Variants in SIL1 observed in about 807,000 individuals in gnomAD.
The protein encoded by SIL1 is nucleotide exchange factor SIL1.
Under a neutral mutation model 49.1 loss-of-function variants are expected in SIL1, and 40 were observed. The ratio of observed to expected loss-of-function variants is 0.81; its 90% CI spans 0.63 to 1.06. The LOEUF (loss-of-function observed/expected upper bound fraction) is 1.06. Among genes scored for constraint, SIL1 ranks in the 50% least tolerant of loss-of-function variants. The pLI, the probability that SIL1 is intolerant of heterozygous loss-of-function variation, is 0.00. For synonymous variants in SIL1, 253 were observed against 250.8 expected (o/e 1.01, Z -0.08); for missense variants, 500 against 572.6 (o/e 0.87, Z 1.29).
At chr5:139,194,368 G>A (rs1382128451) in intron 1 of SIL1, among the ~76,000 whole-genome samples, 3 of 152,158 alleles carry the variant, frequency 2.0e-5, no homozygotes, top group Non-Finnish European at 4.4e-5. Flanking sequence ...GTTACCCAAG[G>A]CCTCACTCTG....
At chr5:139,157,064 A>T (rs1304292275) in intron 1 of SIL1, among the ~76,000 whole-genome samples, 2 of 152,180 alleles carry the variant, frequency 1.3e-5, no homozygotes, top group African/African-American at 4.8e-5. Context: ...AGCAATCAGC[A>T]CTGACAGCTC....
intron 3 of SIL1, among the ~76,000 whole-genome samples, chr5:139,080,777 TAA>T (rs1443795618): frequency 6.6e-6 from 1 of 152,236 alleles, no homozygotes; most frequent in Non-Finnish European, 1.5e-5. Flanking sequence ...GCTTTTTAAT[TAA>T]GTGACAATTA....
At chr5:139,137,206 G>C (rs1050649675) in intron 1 of SIL1, 1 of 626,404 alleles carries the variant, frequency 1.6e-6, no homozygotes, top group Non-Finnish European at 2.9e-6. Context: ...CATTTATAGA[G>C]AACTTTCCAT....
chr5:139,122,659 G>C (rs1750666644), intron 2 of SIL1, among the ~76,000 whole-genome samples: 1 of 151,874 alleles, frequency 6.6e-6, no homozygotes, highest in Admixed American at 6.6e-5. Context: ...CTCAATGTCT[G>C]ATCTTTAGTT....
rs188201427 is a variant in SIL1, at chr5:139,161,988, G to A, written c.-10-34135C>T. Among the ~76,000 whole-genome samples the A allele has an allele frequency of 2.1e-3, 313 of 151,944 alleles. 3 individuals are homozygous for A. The highest frequency in any genetic ancestry group is 5.3e-3 in the Admixed American group (81 of 15,252). On this transcript the variant is annotated intron_variant, in intron 1 of 9. Transcript: ENST00000394817. The stretch of plus-strand genomic sequence containing the variant: ...AGATCATGCCACTGCACTCCAGCCT[G>A]GGCAACAGAGAGAGACTCTGTCTCA...
chr5:139,055,762 A>G (rs1037075841), intron 3 of SIL1, among the ~76,000 whole-genome samples: 7 of 143,252 alleles, frequency 4.9e-5, no homozygotes, highest in Non-Finnish European at 7.6e-5. Flanking sequence ...GCTCACTGCA[A>G]CCTCCCTGCC....
chr5:139,118,777 G>A (rs1750540942), intron 3 of SIL1, among the ~76,000 whole-genome samples: 1 of 152,154 alleles, frequency 6.6e-6, no homozygotes, highest in Middle Eastern at 3.2e-3. Flanking sequence ...CCCTTGAGAG[G>A]TCAGTTTCCT....
chr5:139,163,145 T>C (rs186924754), intron 1 of SIL1, among the ~76,000 whole-genome samples: 153 of 151,968 alleles, frequency 1.0e-3, no homozygotes, highest in South Asian at 5.8e-3. Context: ...GGGATCGGAA[T>C]ATGAAAGGCC....
intron 6 of SIL1, 137 bp downstream of exon 6, chr5:139,026,664 A>G: frequency 2.4e-6 from 2 of 846,524 alleles, no homozygotes; most frequent in Non-Finnish European, 3.9e-6. Context: ...TACAAAAGAT[A>G]ACAAGACTAG....
chr5:139,155,443 C>CAGAGGGAGAGAGAGAGAGAGAGAGAG (rs1554136147), intron 1 of SIL1: 1 of 68,088 alleles, frequency 1.5e-5, no homozygotes, highest in Non-Finnish European at 4.4e-5. Flanking sequence ...CACACGTACA[C>CAGAGGGAGAGAGAGAGAGAGAGAGAG]AGAGTGAGAG....
intron 1 of SIL1, among the ~76,000 whole-genome samples, chr5:139,140,131 G>A (rs756532268): frequency 6.6e-6 from 1 of 152,128 alleles, no homozygotes; most frequent in Non-Finnish European, 1.5e-5. Flanking sequence ...TTAGCCAGGT[G>A]TGGTGATGGG....
intron 7 of SIL1, chr5:139,013,895 G>C (rs1768339859): frequency 6.6e-6 from 1 of 151,906 alleles, no homozygotes; most frequent in African/African-American, 2.4e-5. Flanking sequence ...CCTTGCTCTT[G>C]GTGGCTTTCT....
chr5:139,111,784 T>C (rs562499604), intron 3 of SIL1, among the ~76,000 whole-genome samples: 1 of 152,312 alleles, frequency 6.6e-6, no homozygotes, highest in East Asian at 1.9e-4. Context: ...AGCTCCTGGT[T>C]GGATTCTATG....
At chr5:139,027,637 C>G (rs1306372188) in intron 5 of SIL1, among the ~76,000 whole-genome samples, 3 of 152,172 alleles carry the variant, frequency 2.0e-5, no homozygotes, top group Non-Finnish European at 4.4e-5. Context: ...CCACTCCACT[C>G]ACATATAAAA....
intron 1 of SIL1, chr5:139,128,083 C>T: frequency 1.8e-6 from 1 of 548,648 alleles, no homozygotes. Flanking sequence ...GATCAGGACT[C>T]CTGCATAAGC....
chr5:139,094,176 G>C (rs1770404823), intron 3 of SIL1, among the ~76,000 whole-genome samples: 1 of 152,134 alleles, frequency 6.6e-6, no homozygotes, highest in African/African-American at 2.4e-5. Flanking sequence ...AGAAACAATA[G>C]GAATCATGTC....
intron 1 of SIL1, among the ~76,000 whole-genome samples, chr5:139,171,789 T>C (rs558654252): frequency 6.7e-6 from 1 of 148,742 alleles, no homozygotes; most frequent in East Asian, 2.0e-4. Flanking sequence ...TAATGGCAGA[T>C]CTACTAGACA....
intron 7 of SIL1, among the ~76,000 whole-genome samples, chr5:139,002,425 A>G (rs1017981095): frequency 1.3e-5 from 2 of 152,178 alleles, no homozygotes; most frequent in East Asian, 1.9e-4. Flanking sequence ...GAAATATTTC[A>G]TATTTTTGAA....
At chr5:139,187,854 G>A (rs1300810391) in intron 1 of SIL1, 1 of 152,220 alleles carries the variant, frequency 6.6e-6, no homozygotes. Flanking sequence ...AGTGGGAGGT[G>A]ACTAAGTCAT....
Sources: allele counts gnomAD v4.1 joint callset (sites outside exome capture counted in the v4.1 genomes callset), GRCh38; gene constraint gnomAD v4.1.1; transcripts MANE v1.5; gene names NCBI Gene and HGNC (gene_info 2026-07-23, HGNC 2026-07-21).